The following HIVEP3 variants were observed in gnomAD, a reference collection of about 807,000 sequenced individuals.
HIVEP3 encodes the protein HIVEP zinc finger 3, also known as transcription factor HIVEP3.
Under a neutral mutation model 152.8 loss-of-function variants are expected in HIVEP3, and 49 were observed. The observed-to-expected ratio is 0.32, with a 90% CI of 0.26 to 0.41. HIVEP3 has a LOEUF of 0.41. Among genes scored for constraint, HIVEP3 ranks in the 10% least tolerant of loss-of-function variants. The pLI, the probability that HIVEP3 is intolerant of heterozygous loss-of-function variation, is 1.00. For missense variants in HIVEP3, 2,790 were observed against 3,103.3 expected, an observed-to-expected ratio of 0.90 and a Z score of 2.40; for synonymous variants, 1,269 against 1,289.0, an observed-to-expected ratio of 0.98 and a Z score of 0.33.
chr1:41,868,199 T>TTG (rs1314991300), intron 1 of HIVEP3, among the ~76,000 whole-genome samples: 1 of 148,060 alleles, frequency 6.8e-6, no homozygotes, highest in Non-Finnish European at 1.5e-5. Flanking sequence ...TTGTGGGGGT[T>TTG]TTTTTTTTTT....
At chr1:41,585,885 T>C (rs186690086) in intron 3 of HIVEP3, among the ~76,000 whole-genome samples, 2 of 152,256 alleles carry the variant, frequency 1.3e-5, no homozygotes, top group Non-Finnish European at 2.9e-5. Flanking sequence ...TAGATTATTC[T>C]CAGGTTAGTA....
At chr1:41,889,873 A>T (rs1313843242) in intron 1 of HIVEP3, among the ~76,000 whole-genome samples, 1 of 152,208 alleles carries the variant, frequency 6.6e-6, no homozygotes, top group Non-Finnish European at 1.5e-5. Flanking sequence ...CCTGCTCCCC[A>T]CTTAATGAAC....
At chr1:41,547,592 G>A (rs1392101759) in intron 5 of HIVEP3, among the ~76,000 whole-genome samples, 1 of 152,178 alleles carries the variant, frequency 6.6e-6, no homozygotes, top group South Asian at 2.1e-4. Context: ...GGCAGCCTCC[G>A]GCACTCTGGA....
chr1:41,809,774 T>A lies in HIVEP3; in HGVS notation c.-801+108639A>T, dbSNP rs574268848. ...GGCCTGTGCACAAAAAGACACTCAG[T>A]AAACACATGGGGAACAAGTGAATGG... is the stretch of plus-strand genomic sequence containing the variant. On this transcript the variant is annotated intron_variant, in intron 1 of 8. Transcript: ENST00000372583. Among the ~76,000 whole-genome samples the A allele has an allele frequency of 1.3e-3, 199 of 152,152 alleles. 2 individuals are homozygous for A. The highest frequency in any genetic ancestry group is 1.8e-3 in the Non-Finnish European group (122 of 67,988).
chr1:41,820,736 T>C (rs997202360), intron 1 of HIVEP3, among the ~76,000 whole-genome samples: 26 of 152,250 alleles, frequency 1.7e-4, no homozygotes, highest in Admixed American at 7.8e-4. Context: ...TTAAAGTGTC[T>C]AGTCCTAGAT....
chr1:41,886,697 AG>A (rs1407580299), intron 1 of HIVEP3, among the ~76,000 whole-genome samples: 1 of 123,670 alleles, frequency 8.1e-6, no homozygotes, highest in Admixed American at 9.5e-5. Context: ...GGGCAACAAG[AG>A]TGAAACTCCA....
At chr1:41,841,567 G>A (rs1289372080) in intron 1 of HIVEP3, among the ~76,000 whole-genome samples, 1 of 152,208 alleles carries the variant, frequency 6.6e-6, no homozygotes, top group Non-Finnish European at 1.5e-5. Flanking sequence ...TTAAAATGGG[G>A]GAGAGGGGAA....
At chr1:41,919,384 C>T (rs1240124061), upstream of HIVEP3, among the ~76,000 whole-genome samples, 1 of 152,180 alleles carries the variant, frequency 6.6e-6, no homozygotes, top group Admixed American at 6.5e-5. Context: ...GGTCTCTGCA[C>T]CTGAGAGCTC....
intron 5 of HIVEP3, among the ~76,000 whole-genome samples, chr1:41,573,501 T>C (rs753451748): frequency 1.1e-4 from 17 of 152,196 alleles, no homozygotes; most frequent in Non-Finnish European, 4.4e-5. Flanking sequence ...ATCAGTTCCA[T>C]ACGTGCTCAA....
In HIVEP3 at chr1:41,582,740, T is replaced by C; in HGVS notation, c.2058A>G (p.Glu686=). ...ACGGCTCATGCTCAATCTGACTCTT[T>C]TCAGCTTCTGGAGATGTGTGGGTGC... ...SAGTHTSPEA[E]KSQIEHEPWS... is the part of the protein sequence containing the mutation. Residue 686 remains glutamate, a synonymous_variant, in exon 4 of 9, where the codon GAA becomes GAG. Coordinates refer to ENST00000372583, the MANE Select transcript of HIVEP3 (RefSeq NM_024503.5). This position sits in a 1 kb window ranked among gnomAD's most constrained non-coding sequence, Gnocchi z 4.7. 1.2e-6 allele frequency: 2 copies of C among 1,614,224 alleles called. No individual in the cohort carries two copies. Among genetic ancestry groups the C allele is most frequent in the Non-Finnish European group, 1.7e-6 (2 of 1,180,020 alleles).
intron 2 of HIVEP3, among the ~76,000 whole-genome samples, chr1:41,686,936 G>A (rs1266937098): frequency 6.6e-6 from 1 of 152,146 alleles, no homozygotes; most frequent in Non-Finnish European, 1.5e-5. Context: ...TCCAGGCACT[G>A]GGCACAATAT....
chr1:41,517,901 AAGGCCCATGTGTC>A (rs1642653914), intron 7 of HIVEP3, among the ~76,000 whole-genome samples: 1 of 152,190 alleles, frequency 6.6e-6, no homozygotes, highest in Non-Finnish European at 1.5e-5. Flanking sequence ...CTAGCTCCAA[AAGGCCCATGTGTC>A]AGGCCCATGC....
chr1:41,514,941 C>T (rs1251491378), intron 7 of HIVEP3, among the ~76,000 whole-genome samples: 3 of 152,214 alleles, frequency 2.0e-5, no homozygotes, highest in East Asian at 1.9e-4. Flanking sequence ...CCCAACCAGT[C>T]GGGTCACCTC....
Position 41,580,576 on chromosome 1 carries a change from T to TCACAG in HIVEP3, c.4221_4222insCTGTG (p.Thr1408LeufsTer2). ...AAGATACTCTCTGATGACAGGGAAG[T>TCACAG]GCCTTTTCTTTCAGGTAATGTCACA... is the stretch of plus-strand genomic sequence containing the variant. On this transcript the variant is annotated frameshift_variant, in exon 4 of 9. Transcript: ENST00000372583. LOFTEE classifies it high-confidence loss of function. 6.2e-7 allele frequency: 1 copy of TCACAG among 1,614,212 alleles called. No homozygotes were observed. Among genetic ancestry groups the TCACAG allele is most frequent in the Non-Finnish European group, 8.5e-7 (1 of 1,180,046 alleles).
At chr1:41,675,119 C>A (rs937246269) in intron 2 of HIVEP3, among the ~76,000 whole-genome samples, 3 of 152,142 alleles carry the variant, frequency 2.0e-5, no homozygotes, top group African/African-American at 7.2e-5. Flanking sequence ...TTAATCCGTA[C>A]CCCTGTGTGC....
At chr1:41,651,415 A>AAAAAAAAAAAAAAAAAAAAAAAAAG (rs1645547744) in intron 2 of HIVEP3, among the ~76,000 whole-genome samples, 1 of 146,598 alleles carries the variant, frequency 6.8e-6, no homozygotes. Flanking sequence ...CCATCTCAAA[A>AAAAAAAAAAAAAAAAAAAAAAAAAG]AAAAAAAAAA....
chr1:41,750,084 T>C (rs1429241403), intron 1 of HIVEP3, among the ~76,000 whole-genome samples: 1 of 152,216 alleles, frequency 6.6e-6, no homozygotes, highest in Non-Finnish European at 1.5e-5. Context: ...AGTCAGAACC[T>C]GGGTGGAATC....
chr1:42,017,450 C>G (rs1557563580), intron 1 of HIVEP3, among the ~76,000 whole-genome samples: 1 of 152,136 alleles, frequency 6.6e-6, no homozygotes, highest in Admixed American at 6.5e-5. Context: ...CCCTAAAAGT[C>G]CCCTTAATTC....
chr1:41,524,793 G>A lies in HIVEP3; in HGVS notation c.5325C>T (p.Thr1775=). The change falls in exon 6 of 9, where the codon ACC becomes ACT. Residue 1775 remains threonine (T), a synonymous_variant. Coordinates refer to ENST00000372583, the MANE Select transcript of HIVEP3 (RefSeq NM_024503.5). ...ACACATAGGGCCGGACGTCAGTGTG[G>A]GTGCGGATGTGTTTCTTCAGCATGC... The part of the protein sequence containing the change: ...KPSMLKKHIR[T]HTDVRPYVCK... 1 of 1,614,150 alleles carries A rather than the reference G, an allele frequency of 6.2e-7. No individual in the cohort carries two copies. The highest frequency in any genetic ancestry group is 8.5e-7 in the Non-Finnish European group (1 of 1,180,006).
Sources: gnomAD v4.1 joint callset for allele counts (sites outside exome capture counted in the v4.1 genomes callset) on GRCh38, gnomAD v4.1.1 for gene constraint, Gnocchi (gnomAD v3.1) non-coding constraint, MANE v1.5 for transcripts, NCBI Gene and HGNC (gene_info 2026-07-23, HGNC 2026-07-21) for gene names.